Variants in CTNNA3 observed in about 807,000 individuals in gnomAD.
CTNNA3 encodes the protein catenin alpha-3.
CTNNA3 carries 76 observed loss-of-function variants against 95.7 expected under a neutral mutation model. The observed-to-expected ratio is 0.79, with a 90% CI of 0.66 to 0.96. The LOEUF (loss-of-function observed/expected upper bound fraction) is 0.96. Among genes scored for constraint, CTNNA3 ranks in the 40% least tolerant of loss-of-function variants. The probability of loss-of-function intolerance (pLI) is 0.00; values close to 1 mark genes in which losing one functional copy is unlikely to be tolerated. For synonymous variants in CTNNA3, 431 were observed against 374.4 expected, an observed-to-expected ratio of 1.15 and a Z score of -1.74; for missense variants, 1,191 against 1,089.8, an observed-to-expected ratio of 1.09 and a Z score of -1.31.
chr10:67,754,081 T>C (rs184361985), intron 1 of CTNNA3, among the ~76,000 whole-genome samples: 4 of 152,290 alleles, frequency 2.6e-5, no homozygotes, highest in South Asian at 2.1e-4. Context: ...CCATCAGTGA[T>C]GGACTGGATA....
intron 5 of CTNNA3, among the ~76,000 whole-genome samples, chr10:67,281,073 C>G (rs1047278132): frequency 6.6e-6 from 1 of 152,106 alleles, no homozygotes; most frequent in Admixed American, 6.6e-5. Flanking sequence ...TATCCTCCCT[C>G]CACCATTCTG....
chr10:66,033,268 C>G (rs532718828), intron 15 of CTNNA3, among the ~76,000 whole-genome samples: 1 of 151,054 alleles, frequency 6.6e-6, no homozygotes, highest in East Asian at 2.0e-4. Context: ...GTAGCTGGGA[C>G]TACAGGCGCC....
At chr10:66,438,965 C>A (rs867840081) in intron 11 of CTNNA3, among the ~76,000 whole-genome samples, 2 of 152,252 alleles carry the variant, frequency 1.3e-5, no homozygotes, top group African/African-American at 4.8e-5. Flanking sequence ...TGACCCCTTA[C>A]ACTTCCCGGG....
intron 5 of CTNNA3, among the ~76,000 whole-genome samples, chr10:67,311,105 A>G (rs543869620): frequency 1.1e-4 from 16 of 152,300 alleles, no homozygotes; most frequent in Admixed American, 9.2e-4. Flanking sequence ...CTGCGCCTTA[A>G]AAGAGGTGAT....
At chr10:66,040,586 G>A (rs1444216552) in intron 15 of CTNNA3, among the ~76,000 whole-genome samples, 1 of 151,818 alleles carries the variant, frequency 6.6e-6, no homozygotes, top group Non-Finnish European at 1.5e-5. Context: ...GAACATGGAT[G>A]GGGCTAGAGG....
chr10:67,192,161 G>C (rs80176637), intron 6 of CTNNA3, among the ~76,000 whole-genome samples: 11,382 of 151,976 alleles, frequency 0.075, 611 homozygotes, highest in African/African-American at 0.15. Flanking sequence ...AAAGATTCTT[G>C]ACATTGGTCT....
At chr10:66,604,084 T>C (rs139648632) in intron 10 of CTNNA3, among the ~76,000 whole-genome samples, 2 of 151,932 alleles carry the variant, frequency 1.3e-5, no homozygotes, top group Non-Finnish European at 2.9e-5. Flanking sequence ...ACCAATGGGA[T>C]CATATCAAGT....
intron 7 of CTNNA3, among the ~76,000 whole-genome samples, chr10:66,816,891 A>G (rs966028298): frequency 2.6e-5 from 4 of 152,114 alleles, no homozygotes; most frequent in Non-Finnish European, 4.4e-5. Flanking sequence ...AAATTCACAA[A>G]TATGTGGAAA....
intron 11 of CTNNA3, among the ~76,000 whole-genome samples, chr10:66,394,214 A>G (rs2092956221): frequency 6.6e-6 from 1 of 152,164 alleles, no homozygotes; most frequent in African/African-American, 2.4e-5. Context: ...TGGATCTGTA[A>G]TAAGGAGCCA....
Position 67,136,574 on chromosome 10 carries a change from C to T in CTNNA3, c.1047+43743G>A, listed in dbSNP as rs754363969. On this transcript the variant is annotated intron_variant, in intron 7 of 17. Transcript: ENST00000433211. ...AAAGAGAGAAGGAGAGAGAGAGAGACACAGAGAGAGAAGTTTGCATTTTCT... is the reference window on the plus strand; with the variant it reads ...AAAGAGAGAAGGAGAGAGAGAGAGATACAGAGAGAGAAGTTTGCATTTTCT... Among the ~76,000 whole-genome samples, 3 of 152,066 alleles carry T rather than the reference C, an allele frequency of 2.0e-5. No individual in the cohort carries two copies. In the South Asian group the frequency reaches 6.2e-4, roughly 32 times the overall value.
At chr10:66,640,153 C>A (rs1326681707) in intron 9 of CTNNA3, among the ~76,000 whole-genome samples, 1 of 152,180 alleles carries the variant, frequency 6.6e-6, no homozygotes. Context: ...AATGCCTACT[C>A]TCAACTCCTC....
chr10:67,743,228 T>C (rs1371031017), intron 1 of CTNNA3, among the ~76,000 whole-genome samples: 2 of 151,234 alleles, frequency 1.3e-5, no homozygotes, highest in African/African-American at 4.8e-5. Context: ...ATATCCTTGA[T>C]GAACATTGAT....
intron 5 of CTNNA3, among the ~76,000 whole-genome samples, chr10:67,345,748 C>G (rs1842389995): frequency 6.6e-6 from 1 of 151,958 alleles, no homozygotes; most frequent in African/African-American, 2.4e-5. Context: ...TTGTAAGGCA[C>G]AGATCAATGG....
chr10:67,003,788 G>C (rs905541558), intron 7 of CTNNA3, among the ~76,000 whole-genome samples: 1 of 152,168 alleles, frequency 6.6e-6, no homozygotes, highest in South Asian at 2.1e-4. Context: ...TACAAATTGA[G>C]AGGTTAATTT....
At chr10:66,052,194 T>C (rs1318960783) in intron 15 of CTNNA3, among the ~76,000 whole-genome samples, 3 of 152,146 alleles carry the variant, frequency 2.0e-5, no homozygotes, top group Admixed American at 1.3e-4. Context: ...TTAAGTGCCA[T>C]GATAATTACA....
chr10:66,088,988 T>A (rs548903581), intron 14 of CTNNA3, among the ~76,000 whole-genome samples: 1 of 152,172 alleles, frequency 6.6e-6, no homozygotes, highest in African/African-American at 2.4e-5. Context: ...AAACATTTTC[T>A]TATATAATTT....
chr10:66,908,998 T>C lies in CTNNA3; in HGVS notation c.1048-133474A>G, dbSNP rs892467280. Among the ~76,000 whole-genome samples, 63 of 152,230 alleles carry C rather than the reference T, an allele frequency of 4.1e-4. 4 individuals carry two copies. Among genetic ancestry groups the C allele is most frequent in the Non-Finnish European group, 2.9e-5 (2 of 68,038 alleles). ...AATGAGGCTTCTTCAAGCTGGATTT[T>C]AAAGCCAGCCTTCTTGACACGGTAT... On this transcript the variant is annotated intron_variant, in intron 7 of 17. Transcript: ENST00000433211.
chr10:67,498,489 AT>A (rs1170362575), intron 5 of CTNNA3, among the ~76,000 whole-genome samples: 3 of 151,918 alleles, frequency 2.0e-5, no homozygotes, highest in African/African-American at 7.3e-5. Context: ...TGGTAGCTTG[AT>A]GGGGATGGCA....
intron 13 of CTNNA3, among the ~76,000 whole-genome samples, chr10:66,147,667 T>A (rs2083967616): frequency 7.1e-6 from 1 of 141,480 alleles, no homozygotes; most frequent in South Asian, 2.3e-4. Context: ...AGTAGAAAAA[T>A]ACCTTTCAAT....
Sources: allele counts gnomAD v4.1 joint callset (sites outside exome capture counted in the v4.1 genomes callset), GRCh38; gene constraint gnomAD v4.1.1; transcripts MANE v1.5; gene names NCBI Gene and HGNC (gene_info 2026-07-23, HGNC 2026-07-21).